SNX10: variants seen among roughly 807,000 people sequenced by gnomAD.
SNX10 encodes sorting nexin 10.
A neutral mutation model predicts 28.5 loss-of-function variants in SNX10; 25 were observed. The ratio of observed to expected loss-of-function variants is 0.88; its 90% CI spans 0.64 to 1.22. SNX10 has a LOEUF of 1.22. Ranked by LOEUF, SNX10 falls within the 50% of genes most tolerant of loss-of-function variation. SNX10 has a pLI of 0.00. For synonymous variants in SNX10, 62 were observed against 81.4 expected (o/e 0.76, Z 1.28); for missense variants, 223 against 242.6 (o/e 0.92, Z 0.54).
chr7:26,300,466 AATAACAAAATGATTTGAAGT>A (rs1416603979), intron 1 of SNX10, among the ~76,000 whole-genome samples: 2 of 152,158 alleles, frequency 1.3e-5, no homozygotes, highest in Admixed American at 1.3e-4. Context: ...TGTGGAAAAA[AATAACAAAATGATTTGAAGT>A]ATTAACAGGG....
chr7:26,346,946 G>C (rs1788411618), intron 2 of SNX10, among the ~76,000 whole-genome samples: 1 of 152,188 alleles, frequency 6.6e-6, no homozygotes, highest in South Asian at 2.1e-4. Context: ...CCCGCCCCCT[G>C]AGCCTCTCCC....
rs1787817644 is a variant in SNX10 at position 26,333,489 on chromosome 7, A to G, written c.-23-12931A>G. Among the ~76,000 whole-genome samples, 5 of 151,654 alleles carry G rather than the reference A, an allele frequency of 3.3e-5. No individual in the cohort carries two copies. The South Asian group carries it at 1.0e-3, about 32-fold the overall frequency. Reference sequence around the variant, plus strand: ...CAGGTGCCCGCCACCGCACCCGGCTAATTTTTTTGTATTTTTAGTAGAGAT... The same window carrying G: ...CAGGTGCCCGCCACCGCACCCGGCTGATTTTTTTGTATTTTTAGTAGAGAT... On this transcript the variant is annotated intron_variant, in intron 1 of 6. Coordinates refer to ENST00000338523, the MANE Select transcript of SNX10 (RefSeq NM_013322.3).
chr7:26,341,980 TTC>T lies in SNX10; in HGVS notation c.-23-4424_-23-4423del, dbSNP rs56027802. On this transcript the variant is annotated intron_variant, in intron 1 of 6. Transcript: ENST00000338523. ...TCCCCTCTTTCTCTGTTTCTCTTCTTTCTCTCTCTCTCTCTCTTTCTTTCTTT... is the reference window on the plus strand; with the variant it reads ...TCCCCTCTTTCTCTGTTTCTCTTCTTTCTCTCTCTCTCTCTTTCTTTCTTT... 6.3e-3 allele frequency among the ~76,000 whole-genome samples: 649 copies of T among 103,094 alleles called. 8 individuals carry two copies. Among genetic ancestry groups the T allele is most frequent in the African/African-American group, 0.023 (572 of 24,866 alleles). The allele number at this position is 103,094 out of a possible 152,430, so 67.6% of individuals were successfully genotyped here. A position where few individuals can be genotyped will look rare whatever the true frequency, so the allele number is the denominator to read the frequency against.
chr7:26,335,162 C>T (rs893278077), intron 1 of SNX10, among the ~76,000 whole-genome samples: 1 of 152,198 alleles, frequency 6.6e-6, no homozygotes, highest in Non-Finnish European at 1.5e-5. Flanking sequence ...CACACTTCAG[C>T]AACCGAAGCT....
At chr7:26,324,158 A>G (rs546104155) in intron 1 of SNX10, among the ~76,000 whole-genome samples, 1 of 151,168 alleles carries the variant, frequency 6.6e-6, no homozygotes, top group South Asian at 2.1e-4. Flanking sequence ...GTTGAATAAG[A>G]TAACCCCTTA....
chr7:26,316,181 CAA>C (rs397970319), intron 1 of SNX10, among the ~76,000 whole-genome samples: 8 of 72,250 alleles, frequency 1.1e-4, no homozygotes, highest in Non-Finnish European at 1.0e-4. Context: ...GAGACTGTCT[CAA>C]AAAAAAAAAA....
intron 1 of SNX10, among the ~76,000 whole-genome samples, chr7:26,297,043 CA>C (rs1405231116): frequency 6.6e-6 from 1 of 152,126 alleles, no homozygotes; most frequent in Non-Finnish European, 1.5e-5. Context: ...GATTAAATGT[CA>C]AAACCAAAAT....
intron 1 of SNX10, among the ~76,000 whole-genome samples, chr7:26,340,004 G>A (rs193095879): frequency 5.3e-4 from 80 of 149,716 alleles, no homozygotes; most frequent in African/African-American, 1.5e-3. Context: ...AGTCTTTGCC[G>A]TTTTTTTTTT....
intron 1 of SNX10, among the ~76,000 whole-genome samples, chr7:26,332,801 G>A (rs1787794682): frequency 6.6e-6 from 1 of 152,160 alleles, no homozygotes; most frequent in Non-Finnish European, 1.5e-5. Context: ...CTATCTACTT[G>A]TCCCAGCACC....
Position 26,365,029 on chromosome 7 carries a change from T to C in SNX10, c.213-18T>C. ...TTGAGTTAATCATTTAAAAACATTG[T>C]TTTTTCTTTCTCCTAAGACAACTGC... is the stretch of plus-strand genomic sequence containing the variant. On this transcript the variant is annotated intron_variant, in intron 4 of 6. Transcript: ENST00000338523. 1 of 1,528,484 alleles carries C rather than the reference T, an allele frequency of 6.5e-7. No individual in the cohort carries two copies. Among genetic ancestry groups the C allele is most frequent in the Non-Finnish European group, 9.1e-7 (1 of 1,102,224 alleles). 94.7% of individuals were successfully genotyped at this position (1,528,484 alleles called of 1,614,324 possible).
intron 1 of SNX10, among the ~76,000 whole-genome samples, chr7:26,295,822 C>G (rs1262528947): frequency 6.6e-6 from 1 of 152,206 alleles, no homozygotes; most frequent in Non-Finnish European, 1.5e-5. Context: ...GAATCTACAA[C>G]TCGGAGAGAT....
In SNX10 at chr7:26,364,189, A is replaced by T. The variant is rs112615262; in HGVS notation, c.112-346A>T. On this transcript the variant is annotated intron_variant, in intron 3 of 6. Coordinates refer to ENST00000338523, the MANE Select transcript of SNX10 (RefSeq NM_013322.3). This position sits in a 1 kb window ranked among gnomAD's most constrained non-coding sequence, Gnocchi z 4.9. ...GATGGTGGTAAAATGCAACGGATGA[A>T]CCTGAGCTCCTACCTGTCATTTATA... 1 of 372,828 alleles carries T rather than the reference A, an allele frequency of 2.7e-6. No individual in the cohort carries two copies. Among genetic ancestry groups the T allele is most frequent in the East Asian group, 1.4e-4 (1 of 6,954 alleles). The allele number at this position is 372,828 out of a possible 1,614,324, so 23.1% of individuals were successfully genotyped here.
intron 1 of SNX10, among the ~76,000 whole-genome samples, chr7:26,326,875 A>G (rs1787522058): frequency 6.7e-6 from 1 of 149,230 alleles, no homozygotes; most frequent in African/African-American, 2.5e-5. Context: ...TGAACTGACC[A>G]TTTTTGTGAG....
At chr7:26,339,188 G>C (rs1367100069) in intron 1 of SNX10, among the ~76,000 whole-genome samples, 2 of 152,182 alleles carry the variant, frequency 1.3e-5, no homozygotes, top group Non-Finnish European at 2.9e-5. Context: ...GAATGAATAA[G>C]GACATCTTAA....
chr7:26,341,980 T>TC (rs1562806300), intron 1 of SNX10, among the ~76,000 whole-genome samples: 11 of 103,136 alleles, frequency 1.1e-4, no homozygotes, highest in East Asian at 5.8e-4. Flanking sequence ...TTTCTCTTCT[T>TC]TCTCTCTCTC....
intron 2 of SNX10, chr7:26,360,627 T>C (rs985302022): frequency 4.2e-6 from 1 of 239,822 alleles, no homozygotes; most frequent in African/African-American, 2.3e-5. Flanking sequence ...AAGTAAGAAA[T>C]GATCACTTTT....
intron 2 of SNX10, among the ~76,000 whole-genome samples, chr7:26,346,762 C>A (rs1381391229): frequency 6.6e-6 from 1 of 152,238 alleles, no homozygotes; most frequent in African/African-American, 2.4e-5. Context: ...AGTCTGCCTT[C>A]CTGCTTTTTT....
At chr7:26,359,898 T>G (rs1439171060) in intron 2 of SNX10, among the ~76,000 whole-genome samples, 1 of 152,116 alleles carries the variant, frequency 6.6e-6, no homozygotes, top group Non-Finnish European at 1.5e-5. Flanking sequence ...CCTTGTGATC[T>G]GCCCGCCTCG....
intron 1 of SNX10, among the ~76,000 whole-genome samples, chr7:26,336,172 TAAAAG>T (rs1787939253): frequency 6.6e-6 from 1 of 152,140 alleles, no homozygotes; most frequent in African/African-American, 2.4e-5. Context: ...GAGGGAATAA[TAAAAG>T]TAACTGAGCA....
Sources: gnomAD v4.1 joint callset for allele counts (sites outside exome capture counted in the v4.1 genomes callset) on GRCh38, gnomAD v4.1.1 for gene constraint, Gnocchi (gnomAD v3.1) non-coding constraint, MANE v1.5 for transcripts, NCBI Gene and HGNC (gene_info 2026-07-23, HGNC 2026-07-21) for gene names.